GPD2: variants seen among roughly 807,000 people sequenced by gnomAD.
GPD2 encodes glycerol-3-phosphate dehydrogenase, mitochondrial.
In GPD2, 54 loss-of-function variants were observed where a neutral mutation model predicts 82.4. The ratio of observed to expected loss-of-function variants is 0.66; its 90% CI spans 0.53 to 0.82. The LOEUF is 0.82. GPD2 is among the 40% of genes least tolerant of loss of function. GPD2 has a pLI of 0.00. For synonymous variants in GPD2, 288 were observed against 306.1 expected, an observed-to-expected ratio of 0.94 and a Z score of 0.62; for missense variants, 748 against 896.2, an observed-to-expected ratio of 0.83 and a Z score of 2.11.
At chr2:156,444,438 G>T (rs1269089306) in intron 1 of GPD2, among the ~76,000 whole-genome samples, 1 of 152,102 alleles carries the variant, frequency 6.6e-6, no homozygotes, top group Non-Finnish European at 1.5e-5. Context: ...TTCCGCAGGG[G>T]GCAGTGGCTC....
chr2:156,401,914 A>C, the GPD2 span, among the ~76,000 whole-genome samples: 1 of 152,224 alleles, frequency 6.6e-6, no homozygotes, highest in Non-Finnish European at 1.5e-5. Flanking sequence ...TAAATACGAG[A>C]TAAAAGGCTG....
intron 2 of GPD2, among the ~76,000 whole-genome samples, chr2:156,484,780 T>C (rs1235865941): frequency 3.3e-5 from 5 of 151,956 alleles, no homozygotes. Flanking sequence ...GTGGAGGTTG[T>C]AGTGAGCCGA....
intron 6 of GPD2, among the ~76,000 whole-genome samples, chr2:156,520,559 TGTTA>T (rs1685363959): frequency 8.0e-6 from 1 of 124,272 alleles, no homozygotes. Flanking sequence ...TTATTTTTAT[TGTTA>T]TTTATTTATT....
chr2:156,459,640 A>G (rs912810940), intron 1 of GPD2, among the ~76,000 whole-genome samples: 1 of 133,916 alleles, frequency 7.5e-6, no homozygotes, highest in Non-Finnish European at 1.6e-5. Flanking sequence ...GTTAACTGAG[A>G]TCATGCCACT....
intron 1 of GPD2, among the ~76,000 whole-genome samples, chr2:156,456,351 C>CAAAGCG (rs1682788859): frequency 6.6e-6 from 1 of 152,106 alleles, no homozygotes; most frequent in Admixed American, 6.6e-5. Context: ...CATCTATAAC[C>CAAAGCG]GTAGCACTTT....
chr2:156,496,997 C>T (rs1230225785), intron 3 of GPD2, among the ~76,000 whole-genome samples: 5 of 152,064 alleles, frequency 3.3e-5, no homozygotes, highest in Admixed American at 6.6e-5. Context: ...AAAATGGAAA[C>T]GAGACATGTA....
intron 8 of GPD2, among the ~76,000 whole-genome samples, chr2:156,552,886 C>G (rs1425070982): frequency 6.8e-6 from 1 of 147,882 alleles, no homozygotes; most frequent in Non-Finnish European, 1.5e-5. Context: ...GCTTCTGGTT[C>G]CTTATATCTT....
At chr2:156,462,742 G>C (rs1030315494) in intron 1 of GPD2, among the ~76,000 whole-genome samples, 1 of 152,180 alleles carries the variant, frequency 6.6e-6, no homozygotes, top group East Asian at 1.9e-4. Context: ...TGAAGAGTTA[G>C]AGCCAGAACA....
chr2:156,439,778 C>T (rs1682098443), intron 1 of GPD2, among the ~76,000 whole-genome samples: 1 of 151,634 alleles, frequency 6.6e-6, no homozygotes, highest in African/African-American at 2.4e-5. Context: ...ACCCAGGAGG[C>T]AGAGGTTGCA....
intron 2 of GPD2, among the ~76,000 whole-genome samples, chr2:156,486,080 C>T (rs971038657): frequency 2.0e-5 from 3 of 152,116 alleles, no homozygotes. Flanking sequence ...TTAGATAAGG[C>T]CAGTTGAAAC....
At chr2:156,414,564 A>G in the GPD2 span, among the ~76,000 whole-genome samples, 1 of 152,202 alleles carries the variant, frequency 6.6e-6, no homozygotes, top group Non-Finnish European at 1.5e-5. Context: ...GCTTTATGGA[A>G]AAGATGTGAA....
chr2:156,437,712 A>C (rs1439397479), intron 1 of GPD2, among the ~76,000 whole-genome samples: 1 of 152,154 alleles, frequency 6.6e-6, no homozygotes, highest in Non-Finnish European at 1.5e-5. Flanking sequence ...GAGTCACTTT[A>C]TTTTATAAAG....
chr2:156,487,059 A>T (rs1683971029), intron 2 of GPD2, among the ~76,000 whole-genome samples: 1 of 152,156 alleles, frequency 6.6e-6, no homozygotes, highest in Admixed American at 6.5e-5. Flanking sequence ...TAATCCCAGC[A>T]CTTTAGGATG....
At chr2:156,484,523 G>A (rs1214457928) in intron 2 of GPD2, among the ~76,000 whole-genome samples, 3 of 152,120 alleles carry the variant, frequency 2.0e-5, no homozygotes, top group Admixed American at 1.3e-4. Flanking sequence ...GTTGATGGCA[G>A]AATAATGTTG....
intron 12 of GPD2, 129 bp downstream of exon 12, chr2:156,570,347 A>G (rs1422614693): frequency 6.4e-6 from 5 of 781,000 alleles, no homozygotes; most frequent in Non-Finnish European, 2.2e-6. Flanking sequence ...CAGGACTACT[A>G]TGTCTTTCCA....
chr2:156,555,765 T>G (rs1028963565), intron 8 of GPD2, among the ~76,000 whole-genome samples: 1 of 152,224 alleles, frequency 6.6e-6, no homozygotes, highest in Non-Finnish European at 1.5e-5. Flanking sequence ...TTTCAATACA[T>G]TAGAGTAAAA....
rs1295694265 is a variant in GPD2 at position 156,584,688 on chromosome 2, C to CAAA, written c.*1771_*1772insAAA. On this transcript the variant is annotated 3_prime_UTR_variant, in exon 17 of 17. Transcript: ENST00000438166. The stretch of plus-strand genomic sequence containing the variant: ...TTTTCTTTCAAAGTGTGAATTTTTA[C>CAAA]ACTGGCTTTTTCATTTTTTTAAAGT... The CAAA allele has an allele frequency of 2.0e-5, 3 of 152,480 alleles. No homozygotes were observed. The highest frequency in any genetic ancestry group is 2.9e-5 in the Non-Finnish European group (2 of 67,970). The allele number at this position is 152,480 out of a possible 1,614,324, so 9.4% of individuals were successfully genotyped here.
chr2:156,441,608 A>G (rs1485906619), intron 1 of GPD2, among the ~76,000 whole-genome samples: 1 of 152,210 alleles, frequency 6.6e-6, no homozygotes, highest in Non-Finnish European at 1.5e-5. Context: ...TAGCCACTAT[A>G]GCAAATTATC....
chr2:156,442,323 A>G (rs1682203772), intron 1 of GPD2, among the ~76,000 whole-genome samples: 1 of 152,258 alleles, frequency 6.6e-6, no homozygotes, highest in Non-Finnish European at 1.5e-5. Flanking sequence ...AAGGCCAAGT[A>G]GAAACTTTAG....
Sources: gnomAD v4.1 joint callset for allele counts (sites outside exome capture counted in the v4.1 genomes callset) on GRCh38, gnomAD v4.1.1 for gene constraint, MANE v1.5 for transcripts, NCBI Gene and HGNC (gene_info 2026-07-23, HGNC 2026-07-21) for gene names.